Variants in CBR4 observed in about 807,000 individuals in gnomAD.
CBR4 encodes the protein carbonyl reductase 4, also known as 3-oxoacyl-[acyl-carrier-protein] reductase.
CBR4 carries 22 observed loss-of-function variants against 21.0 expected under a neutral mutation model. That is an observed-to-expected ratio of 1.05 (90% CI 0.75 to 1.50). The LOEUF (loss-of-function observed/expected upper bound fraction) is 1.50. Among genes scored for constraint, CBR4 ranks in the 40% most tolerant of loss-of-function variants. CBR4 has a pLI of 0.00. For missense variants in CBR4, 302 were observed against 286.3 expected, an observed-to-expected ratio of 1.05 and a Z score of -0.40; for synonymous variants, 100 against 104.4, an observed-to-expected ratio of 0.96 and a Z score of 0.26.
intron 1 of CBR4, among the ~76,000 whole-genome samples, chr4:169,009,670 G>C (rs761540015): frequency 2.0e-5 from 3 of 152,238 alleles, no homozygotes. Flanking sequence ...CGGAGGGTGC[G>C]TATAGCGGGG....
At chr4:168,913,229 C>T (rs961476024) in intron 2 of CBR4, among the ~76,000 whole-genome samples, 69 of 151,456 alleles carry the variant, frequency 4.6e-4, no homozygotes, top group African/African-American at 1.6e-3. Flanking sequence ...CTCCGCCTCC[C>T]GGGTTCAATA....
At chr4:168,970,910 C>T (rs969386541) in intron 2 of CBR4, among the ~76,000 whole-genome samples, 4 of 151,944 alleles carry the variant, frequency 2.6e-5, no homozygotes, top group African/African-American at 9.7e-5. Context: ...CAGATTTTTG[C>T]AATTGTGAAT....
At chr4:168,992,951 TTTTAA>T (rs1764995756) in intron 4 of CBR4, among the ~76,000 whole-genome samples, 1 of 152,168 alleles carries the variant, frequency 6.6e-6, no homozygotes, top group East Asian at 1.9e-4. Context: ...ACCACATTTA[TTTTAA>T]AAGTCAGCAA....
At chr4:168,981,456 A>C (rs1227176644) in intron 2 of CBR4, among the ~76,000 whole-genome samples, 1 of 152,160 alleles carries the variant, frequency 6.6e-6, no homozygotes, top group Non-Finnish European at 1.5e-5. Flanking sequence ...ATAGACCTGA[A>C]AACCTGCCTA....
chr4:168,960,928 T>G (rs1388153147), intron 2 of CBR4, among the ~76,000 whole-genome samples: 5 of 152,206 alleles, frequency 3.3e-5, no homozygotes, highest in Non-Finnish European at 7.3e-5. Flanking sequence ...CCGGTCGAAA[T>G]TATTAGTCAT....
intron 2 of CBR4, among the ~76,000 whole-genome samples, chr4:168,902,567 G>A (rs1295274028): frequency 6.6e-6 from 1 of 152,008 alleles, no homozygotes; most frequent in Non-Finnish European, 1.5e-5. Flanking sequence ...GTTTGAACCT[G>A]GGAGGCGGAG....
Position 168,988,616 on chromosome 4 carries a change from T to C in CBR4, c.*1534A>G. On this transcript the variant is annotated 3_prime_UTR_variant, in exon 5 of 5. Transcript: ENST00000306193. ...AAACCATTCTGAGTGCTGCATTTCCTATATGTGCCTAGACTTGGTAATGCC... is the reference window on the plus strand; with the variant it reads ...AAACCATTCTGAGTGCTGCATTTCCCATATGTGCCTAGACTTGGTAATGCC... 1.0e-6 allele frequency: 1 copy of C among 985,452 alleles called. No homozygotes were observed. The allele number at this position is 985,452 out of a possible 1,614,324, so 61.0% of individuals were successfully genotyped here.
At chr4:168,928,411 C>CAAAT (rs1762827605) in intron 2 of CBR4, 1 of 180,140 alleles carries the variant, frequency 5.6e-6, no homozygotes, top group Non-Finnish European at 1.2e-5. Context: ...AAATATTTGA[C>CAAAT]AAATAATAGT....
At chr4:168,900,303 T>C (rs1265947843) in intron 2 of CBR4, among the ~76,000 whole-genome samples, 4 of 152,084 alleles carry the variant, frequency 2.6e-5, no homozygotes, top group African/African-American at 7.2e-5. Flanking sequence ...TTAAGAGTCA[T>C]AGTACAAGAA....
At position 168,915,964 on chromosome 4, in the gene CBR4, C is replaced by G; in HGVS notation, n.170-21199G>C. ...TTCAGGAGCGATTCTTCAGACCTCACTTCTTGCAGGCTCCTGGAGATCTGA... is the reference window on the plus strand; with the variant it reads ...TTCAGGAGCGATTCTTCAGACCTCAGTTCTTGCAGGCTCCTGGAGATCTGA... On this transcript the variant is annotated intron_variant and non_coding_transcript_variant, in intron 2 of 3. Coordinates refer to the CBR4 transcript ENST00000509108. 1 of 1,613,424 alleles carries G rather than the reference C, an allele frequency of 6.2e-7. No individual in the cohort carries two copies. The highest frequency in any genetic ancestry group is 8.5e-7 in the Non-Finnish European group (1 of 1,179,328).
intron 2 of CBR4, among the ~76,000 whole-genome samples, chr4:168,902,634 G>C (rs1311717062): frequency 6.6e-6 from 1 of 152,078 alleles, no homozygotes; most frequent in Non-Finnish European, 1.5e-5. Context: ...GGGCAACGGA[G>C]CGAGACCCTG....
At chr4:168,943,633 G>A (rs556147086) in intron 2 of CBR4, among the ~76,000 whole-genome samples, 1 of 152,294 alleles carries the variant, frequency 6.6e-6, no homozygotes, top group Non-Finnish European at 1.5e-5. Context: ...CTACAGGCTG[G>A]GCATGGTGGC....
intron 3 of CBR4, 146 bp from the exon 4 acceptor site, chr4:169,002,351 G>A (rs1460000124): frequency 1.2e-6 from 1 of 851,332 alleles, no homozygotes; most frequent in Non-Finnish European, 1.6e-6. Context: ...TCTAACCATT[G>A]TCATCAGTCA....
At chr4:168,966,683 A>G (rs1183976613) in intron 2 of CBR4, among the ~76,000 whole-genome samples, 2 of 152,146 alleles carry the variant, frequency 1.3e-5, no homozygotes, top group African/African-American at 4.8e-5. Flanking sequence ...ATTCCATTTG[A>G]CCCAGCAATC....
chr4:168,957,272 GAAGAGGCTTCTAATTA>G (rs1560962735), intron 2 of CBR4, among the ~76,000 whole-genome samples: 1 of 151,970 alleles, frequency 6.6e-6, no homozygotes, highest in Non-Finnish European at 1.5e-5. Flanking sequence ...ACTTACTCTT[GAAGAGGCTTCTAATTA>G]AAAGAGTAAA....
chr4:168,983,801 CAA>C (rs1764608912), downstream of CBR4, among the ~76,000 whole-genome samples: 1 of 151,942 alleles, frequency 6.6e-6, no homozygotes, highest in Admixed American at 6.6e-5. Context: ...GAACTAAAAA[CAA>C]AAACTACATA....
intron 2 of CBR4, among the ~76,000 whole-genome samples, chr4:168,919,905 G>T (rs1761083203): frequency 6.6e-6 from 1 of 152,144 alleles, no homozygotes; most frequent in South Asian, 2.1e-4. Flanking sequence ...AGGTACAAGG[G>T]GCATTCTCTT....
At chr4:168,898,244 G>GA (rs527978461) in intron 2 of CBR4, 334 of 522,406 alleles carry the variant, frequency 6.4e-4, no homozygotes, top group Middle Eastern at 1.0e-3. Context: ...AGAAAAGAAG[G>GA]AAAAAAAAAT....
At chr4:168,961,555 G>C (rs776152777) in intron 2 of CBR4, among the ~76,000 whole-genome samples, 1 of 151,900 alleles carries the variant, frequency 6.6e-6, no homozygotes, top group Non-Finnish European at 1.5e-5. Flanking sequence ...TGAGATCCAT[G>C]AACTAAAATA....
Sources: gnomAD v4.1 joint callset for allele counts (sites outside exome capture counted in the v4.1 genomes callset) on GRCh38, gnomAD v4.1.1 for gene constraint, MANE v1.5 for transcripts, NCBI Gene and HGNC (gene_info 2026-07-23, HGNC 2026-07-21) for gene names.